The following GLI3 variants were observed in gnomAD, a reference collection of about 807,000 sequenced individuals.
The protein encoded by GLI3 is transcription activator GLI3.
A neutral mutation model predicts 100.8 loss-of-function variants in GLI3; 20 were observed. The observed-to-expected ratio is 0.20, with a 90% CI of 0.14 to 0.29. GLI3 has a LOEUF of 0.29. Ranked by LOEUF, GLI3 falls within the 10% of genes least tolerant of loss-of-function variation. GLI3 has a pLI of 1.00. For synonymous variants in GLI3, 938 were observed against 860.5 expected (o/e 1.09, Z -1.58); for missense variants, 2,040 against 2,128.5 (o/e 0.96, Z 0.82).
upstream of GLI3, among the ~76,000 whole-genome samples, chr7:42,241,054 ATTGAC>A (rs1162765794): frequency 6.6e-6 from 1 of 152,202 alleles, no homozygotes; most frequent in African/African-American, 2.4e-5. Flanking sequence ...TCCACCTCCA[ATTGAC>A]TTAAGTTAAA....
chr7:42,238,440 A>C (rs1318076813), upstream of GLI3, among the ~76,000 whole-genome samples: 1 of 152,150 alleles, frequency 6.6e-6, no homozygotes, highest in Non-Finnish European at 1.5e-5. Context: ...TGCCTTTGGA[A>C]GTTCAGGGTT....
At chr7:42,161,573 G>A (rs1294060834) in intron 2 of GLI3, among the ~76,000 whole-genome samples, 1 of 152,126 alleles carries the variant, frequency 6.6e-6, no homozygotes, top group Non-Finnish European at 1.5e-5. Flanking sequence ...TGAATGCTTT[G>A]AAATCTTAAA....
intron 4 of GLI3, among the ~76,000 whole-genome samples, chr7:42,073,753 G>T (rs958912277): frequency 6.6e-6 from 1 of 152,146 alleles, no homozygotes; most frequent in Non-Finnish European, 1.5e-5. Flanking sequence ...GGCACCAGAA[G>T]AACAATTGTG....
chr7:42,177,410 T>C (rs1218863548), intron 2 of GLI3, among the ~76,000 whole-genome samples: 2 of 152,072 alleles, frequency 1.3e-5, no homozygotes, highest in South Asian at 2.1e-4. Context: ...GAAAAGGTCA[T>C]ATAAGGGCGG....
Position 42,023,546 on chromosome 7 carries a change from C to T in GLI3, c.1419G>A (p.Glu473=). The T allele has an allele frequency of 1.2e-6, 2 of 1,613,698 alleles. No individual in the cohort carries two copies. The highest frequency in any genetic ancestry group is 1.7e-6 in the Non-Finnish European group (2 of 1,179,838). ...AGTTTGTCTCATAGATGACTTCAGG[C>T]TCCTGTTTGCTTTCATCTTTGTCCC... ...EEGDKDESKQ[E]PEVIYETNCH... is the part of the protein sequence containing the mutation. The change falls in exon 10 of 15, where the codon GAG becomes GAA. Residue 473 remains glutamate (E), a synonymous_variant. Transcript: ENST00000395925.
At chr7:42,075,933 T>A (rs1291878210) in intron 4 of GLI3, among the ~76,000 whole-genome samples, 1 of 152,232 alleles carries the variant, frequency 6.6e-6, no homozygotes, top group Admixed American at 6.5e-5. Flanking sequence ...ATAACCAGCA[T>A]TATTCTTCAA....
chr7:42,030,037 C>T (rs1427484688), intron 7 of GLI3, among the ~76,000 whole-genome samples: 1 of 152,192 alleles, frequency 6.6e-6, no homozygotes, highest in Non-Finnish European at 1.5e-5. Context: ...CTTAAAAAAA[C>T]AGACACTGTT....
Position 42,247,490 on chromosome 7 carries a change from C to T in GLI3, c.-43+16504G>A, listed in dbSNP as rs953976182. Reference sequence around the variant, plus strand: ...CGCAGCTGTAAACATCCTGAGATCTCAGGGGGATCAAAGCCAACAAAGTTA... The same window carrying T: ...CGCAGCTGTAAACATCCTGAGATCTTAGGGGGATCAAAGCCAACAAAGTTA... On this transcript the variant is annotated intron_variant, in intron 1 of 2. Transcript: ENST00000678978. Among the ~76,000 whole-genome samples, 4 of 152,198 alleles carry T rather than the reference C, an allele frequency of 2.6e-5. No homozygotes were observed. In the South Asian group the frequency reaches 8.3e-4, roughly 32 times the overall value.
intron 3 of GLI3, among the ~76,000 whole-genome samples, chr7:42,093,754 A>G (rs1785278835): frequency 6.6e-6 from 1 of 152,200 alleles, no homozygotes; most frequent in Non-Finnish European, 1.5e-5. Context: ...AAGGAAAAAC[A>G]AACACATTAA....
intron 2 of GLI3, among the ~76,000 whole-genome samples, chr7:42,209,677 A>G (rs1399945118): frequency 6.6e-6 from 1 of 152,210 alleles, no homozygotes; most frequent in Non-Finnish European, 1.5e-5. Flanking sequence ...TTTCACAGAT[A>G]AAGTGATGTG....
chr7:42,238,177 C>T (rs954407221), upstream of GLI3, among the ~76,000 whole-genome samples: 4 of 151,866 alleles, frequency 2.6e-5, no homozygotes, highest in African/African-American at 7.2e-5. Context: ...GGCGTGATGT[C>T]ACCCGCGCCC....
intron 2 of GLI3, among the ~76,000 whole-genome samples, chr7:42,162,996 T>C (rs7796602): frequency 7.5e-6 from 1 of 134,016 alleles, no homozygotes. Context: ...TTTTTTTGTA[T>C]TTTCAACCTA....
At chr7:41,987,089 G>GACACACAC (rs1452930347) in intron 10 of GLI3, among the ~76,000 whole-genome samples, 71 of 76,202 alleles carry the variant, frequency 9.3e-4, no homozygotes, top group African/African-American at 3.3e-3. Context: ...AACATACACA[G>GACACACAC]ACACAGACAC....
At chr7:42,038,155 G>A (rs532894413) in intron 7 of GLI3, among the ~76,000 whole-genome samples, 24 of 152,236 alleles carry the variant, frequency 1.6e-4, no homozygotes, top group Admixed American at 5.2e-4. Context: ...CAGTAAAGTC[G>A]CCTCCAGTCC....
chr7:42,213,870 T>G (rs1788319500), intron 2 of GLI3, among the ~76,000 whole-genome samples: 1 of 152,240 alleles, frequency 6.6e-6, no homozygotes, highest in Non-Finnish European at 1.5e-5. Flanking sequence ...AGTAATAATC[T>G]AATGACTAAC....
At chr7:42,158,300 A>G (rs1179035096) in intron 2 of GLI3, among the ~76,000 whole-genome samples, 1 of 152,220 alleles carries the variant, frequency 6.6e-6, no homozygotes, top group Non-Finnish European at 1.5e-5. Context: ...TCAACCAGTT[A>G]TTCAGCTAAA....
intron 2 of GLI3, among the ~76,000 whole-genome samples, chr7:42,219,125 T>C (rs760624584): frequency 1.1e-4 from 16 of 152,252 alleles, no homozygotes; most frequent in Admixed American, 4.6e-4. Context: ...CACACATTAA[T>C]GGACTTGGAC....
intron 3 of GLI3, among the ~76,000 whole-genome samples, chr7:42,107,843 A>G (rs919547169): frequency 6.6e-6 from 1 of 152,098 alleles, no homozygotes; most frequent in Non-Finnish European, 1.5e-5. Flanking sequence ...TTTTGTTTCC[A>G]TTTTGTTTAC....
chr7:42,183,481 G>A (rs1484331299), intron 2 of GLI3, among the ~76,000 whole-genome samples: 1 of 152,108 alleles, frequency 6.6e-6, no homozygotes, highest in Non-Finnish European at 1.5e-5. Flanking sequence ...CATAGCAAGG[G>A]CCCAGGACAA....
Sources: allele counts gnomAD v4.1 joint callset (sites outside exome capture counted in the v4.1 genomes callset), GRCh38; gene constraint gnomAD v4.1.1; transcripts MANE v1.5; gene names NCBI Gene and HGNC (gene_info 2026-07-23, HGNC 2026-07-21).